The following TENM1 variants were observed in gnomAD, a reference collection of about 807,000 sequenced individuals.
TENM1 encodes teneurin transmembrane protein 1.
Under a neutral mutation model 174.8 loss-of-function variants are expected in TENM1, and 35 were observed. That is an observed-to-expected ratio of 0.20 (90% CI 0.15 to 0.27). The LOEUF (loss-of-function observed/expected upper bound fraction) is 0.27. TENM1 is among the 10% of genes least tolerant of loss of function. The probability of loss-of-function intolerance (pLI) is 1.00; values close to 1 mark genes in which losing one functional copy is unlikely to be tolerated. For synonymous variants in TENM1, 781 were observed against 798.7 expected (o/e 0.98, Z 0.37); for missense variants, 1,633 against 2,130.1 (o/e 0.77, Z 4.59).
At chrX:124,766,354 T>TA (rs1169688104) in intron 3 of TENM1, among the ~76,000 whole-genome samples, 6 of 111,860 alleles carry the variant, frequency 5.4e-5, no homozygotes, top group Non-Finnish European at 1.1e-4. Context: ...TTGACTAGGA[T>TA]AAAAAATGAA....
intron 15 of TENM1, among the ~76,000 whole-genome samples, chrX:124,541,742 T>C (rs1463564042): frequency 8.9e-6 from 1 of 112,229 alleles, no homozygotes; most frequent in East Asian, 2.8e-4. Flanking sequence ...GATCTGGGGA[T>C]ACAGTGGTAT....
At chrX:125,118,399 A>T in the TENM1 span, among the ~76,000 whole-genome samples, 1 of 111,914 alleles carries the variant, frequency 8.9e-6, no homozygotes, top group Admixed American at 9.6e-5. Flanking sequence ...TAAAGCACTT[A>T]GCTGTTAAAG....
At position 124,846,122 on chromosome X, in the gene TENM1, T is replaced by C. The variant is rs1184897592; in HGVS notation, c.535+48174A>G. 2.7e-5 allele frequency among the ~76,000 whole-genome samples: 3 copies of C among 109,752 alleles called. 1 individual carries two copies. Among genetic ancestry groups the C allele is most frequent in the Middle Eastern group, 9.2e-3 (2 of 218 alleles). On this transcript the variant is annotated intron_variant, in intron 3 of 31. Transcript: ENST00000422452. ...TCATGCTAGGTATAAGCCTTGCCCATGATACAACGCAGGGAAAAAAGTAAC... is the reference window on the plus strand; with the variant it reads ...TCATGCTAGGTATAAGCCTTGCCCACGATACAACGCAGGGAAAAAAGTAAC...
At chrX:125,030,006 G>A in the TENM1 span, among the ~76,000 whole-genome samples, 1 of 112,293 alleles carries the variant, frequency 8.9e-6, no homozygotes, top group African/African-American at 3.2e-5. Flanking sequence ...TGTGTCATTT[G>A]TATTTTCAAA....
intron 11 of TENM1, among the ~76,000 whole-genome samples, chrX:124,610,715 G>A (rs2148304144): frequency 9.0e-6 from 1 of 111,180 alleles, no homozygotes; most frequent in African/African-American, 3.3e-5. Flanking sequence ...GAGGTATTTA[G>A]ATCTTTGTCC....
At chrX:124,761,075 GA>G (rs1202564676) in intron 3 of TENM1, among the ~76,000 whole-genome samples, 1 of 111,688 alleles carries the variant, frequency 9.0e-6, no homozygotes, top group African/African-American at 3.3e-5. Context: ...GGAGAAATAG[GA>G]ATGCTTTTTC....
At chrX:124,444,638 A>T (rs1334570758) in intron 23 of TENM1, among the ~76,000 whole-genome samples, 1 of 111,175 alleles carries the variant, frequency 9.0e-6, no homozygotes, top group Non-Finnish European at 1.9e-5. Context: ...TTCTGTGGCT[A>T]AAGTTTTTTT....
At chrX:125,042,434 T>C in the TENM1 span, among the ~76,000 whole-genome samples, 93 of 111,558 alleles carry the variant, frequency 8.3e-4, no homozygotes, top group Non-Finnish European at 1.5e-3. Context: ...AATAGCAGAA[T>C]TGTCAAGAAC....
At chrX:125,023,297 G>C in the TENM1 span, among the ~76,000 whole-genome samples, 1 of 111,329 alleles carries the variant, frequency 9.0e-6, no homozygotes, top group Non-Finnish European at 1.9e-5. Flanking sequence ...CTCGCCTGCT[G>C]CCATGTGAGA....
chrX:125,200,204 A>AT, the TENM1 span, among the ~76,000 whole-genome samples: 1 of 112,051 alleles, frequency 8.9e-6, no homozygotes, highest in African/African-American at 3.2e-5. Flanking sequence ...TTAAGCCAGG[A>AT]TTCAGAATAT....
chrX:124,625,814 A>G (rs139461926), intron 11 of TENM1, among the ~76,000 whole-genome samples: 132 of 110,788 alleles, frequency 1.2e-3, no homozygotes, highest in African/African-American at 4.2e-3. Flanking sequence ...TAAACCATTC[A>G]TGAGAAATCC....
chrX:124,624,609 G>C (rs761330598), intron 11 of TENM1, among the ~76,000 whole-genome samples: 66 of 111,661 alleles, frequency 5.9e-4, no homozygotes, highest in Non-Finnish European at 9.4e-4. Context: ...TGATACAGAA[G>C]CAGAACCAAT....
chrX:124,800,253 G>A (rs185737112), intron 3 of TENM1, among the ~76,000 whole-genome samples: 2 of 111,668 alleles, frequency 1.8e-5, no homozygotes, highest in East Asian at 2.8e-4. Context: ...TGGTTGGTAG[G>A]CTACTAATTA....
chrX:124,708,402 T>C (rs768342838), intron 4 of TENM1, among the ~76,000 whole-genome samples: 3 of 111,364 alleles, frequency 2.7e-5, no homozygotes, highest in Non-Finnish European at 3.8e-5. Flanking sequence ...GCATTATGTA[T>C]CAAATGACTT....
chrX:124,416,093 T>C (rs768163015), intron 25 of TENM1, among the ~76,000 whole-genome samples: 4 of 111,567 alleles, frequency 3.6e-5, no homozygotes, highest in African/African-American at 6.5e-5. Flanking sequence ...ATATTATTAT[T>C]ATTGAGATAT....
At chrX:124,691,400 T>G (rs2052518259) in intron 5 of TENM1, among the ~76,000 whole-genome samples, 1 of 112,097 alleles carries the variant, frequency 8.9e-6, no homozygotes, top group Non-Finnish European at 1.9e-5. Context: ...CAACCTTACT[T>G]TTTCTTAAGA....
chrX:124,652,217 T>C, intron 7 of TENM1, 93 bp from the exon 11 acceptor site: 1 of 1,042,351 alleles, frequency 9.6e-7, no homozygotes, highest in Non-Finnish European at 1.3e-6. Context: ...CTTACTTCTT[T>C]GCTTTGAAGT....
the TENM1 span, among the ~76,000 whole-genome samples, chrX:125,086,887 G>C: frequency 9.0e-6 from 1 of 111,268 alleles, no homozygotes; most frequent in African/African-American, 3.2e-5. Flanking sequence ...GACACAGGAA[G>C]AAAGAAAGTC....
chrX:124,647,848 A>G (rs2051201658), intron 8 of TENM1, among the ~76,000 whole-genome samples: 1 of 110,351 alleles, frequency 9.1e-6, no homozygotes, highest in African/African-American at 3.3e-5. Flanking sequence ...GTTCTGGCCT[A>G]TTAAACTCAC....
Sources: gnomAD v4.1 joint callset for allele counts (sites outside exome capture counted in the v4.1 genomes callset) on GRCh38, gnomAD v4.1.1 for gene constraint, MANE v1.5 for transcripts, NCBI Gene and HGNC (gene_info 2026-07-23, HGNC 2026-07-21) for gene names.